SV2C: variants seen among roughly 807,000 people sequenced by gnomAD.
The protein encoded by SV2C is synaptic vesicle glycoprotein 2C.
Under a neutral mutation model 79.7 loss-of-function variants are expected in SV2C, and 49 were observed. The ratio of observed to expected loss-of-function variants is 0.61; its 90% confidence interval spans 0.49 to 0.78. The LOEUF (loss-of-function observed/expected upper bound fraction) is 0.78, where lower values mean the gene tolerates loss of function less well. Ranked by LOEUF, SV2C falls within the 30% of genes least tolerant of loss-of-function variation. The probability of loss-of-function intolerance (pLI) is 0.00; values close to 1 mark genes in which losing one functional copy is unlikely to be tolerated. For synonymous variants in SV2C, 334 were observed against 333.2 expected (o/e 1.00, Z -0.03); for missense variants, 833 against 912.9 (o/e 0.91, Z 1.13).
At chr5:76,259,327 C>T (rs1426560118) in intron 4 of SV2C, among the ~76,000 whole-genome samples, 2 of 152,186 alleles carry the variant, frequency 1.3e-5, no homozygotes, top group Non-Finnish European at 2.9e-5. Context: ...GACACTTGCC[C>T]CGTGTCCTCA....
chr5:75,980,938 T>C, the SV2C span, among the ~76,000 whole-genome samples: 2 of 152,176 alleles, frequency 1.3e-5, no homozygotes, highest in Non-Finnish European at 2.9e-5. Context: ...TGTTTGCAGA[T>C]GACATGATCC....
intron 4 of SV2C, among the ~76,000 whole-genome samples, chr5:76,233,409 T>C (rs1441833723): frequency 3.6e-5 from 5 of 139,602 alleles, no homozygotes; most frequent in African/African-American, 9.7e-5. Context: ...ACTTCCTCTT[T>C]TCCTAATTGA....
chr5:76,028,620 G>A, the SV2C span, among the ~76,000 whole-genome samples: 1 of 152,146 alleles, frequency 6.6e-6, no homozygotes, highest in East Asian at 1.9e-4. Context: ...ACAATAATCT[G>A]GAAGATGCAG....
At chr5:75,988,987 C>A in the SV2C span, among the ~76,000 whole-genome samples, 7,857 of 151,988 alleles carry the variant, frequency 0.052, 238 homozygotes, top group South Asian at 0.14. Context: ...AAAACTACAA[C>A]CACTTTCCTT....
At chr5:76,246,644 C>T (rs1465434621) in intron 4 of SV2C, among the ~76,000 whole-genome samples, 1 of 152,166 alleles carries the variant, frequency 6.6e-6, no homozygotes, top group Non-Finnish European at 1.5e-5. Flanking sequence ...CTCACACTCA[C>T]ACTCACACAC....
chr5:76,241,390 G>T (rs1745782037), intron 4 of SV2C, among the ~76,000 whole-genome samples: 2 of 152,062 alleles, frequency 1.3e-5, no homozygotes, highest in Non-Finnish European at 2.9e-5. Context: ...TCTGAACAGG[G>T]AAAGTTTAGA....
chr5:76,210,692 T>A (rs186083848), intron 4 of SV2C, among the ~76,000 whole-genome samples: 27 of 152,318 alleles, frequency 1.8e-4, no homozygotes, highest in Admixed American at 6.5e-4. Flanking sequence ...CTCCCCTTCC[T>A]GGAGGATGGG....
chr5:76,266,687 G>T (rs1746667772), intron 4 of SV2C, among the ~76,000 whole-genome samples: 4 of 152,100 alleles, frequency 2.6e-5, no homozygotes, highest in Non-Finnish European at 5.9e-5. Flanking sequence ...ATCGTTTCAT[G>T]GGTAGAGTTT....
chr5:76,253,682 C>T (rs6891999), intron 4 of SV2C, among the ~76,000 whole-genome samples: 120,856 of 145,276 alleles, frequency 0.83, 50,726 homozygotes, highest in African/African-American at 0.94. Context: ...GTTCTATTCC[C>T]TTCCCCACCA....
At chr5:76,278,852 A>G (rs1403068977) in intron 4 of SV2C, among the ~76,000 whole-genome samples, 1 of 152,230 alleles carries the variant, frequency 6.6e-6, no homozygotes, top group African/African-American at 2.4e-5. Flanking sequence ...ACATTTTAAA[A>G]GGATAACTCT....
the SV2C span, among the ~76,000 whole-genome samples, chr5:75,972,102 C>T: frequency 1.3e-5 from 2 of 152,168 alleles, 1 homozygote; most frequent in African/African-American, 4.8e-5. Flanking sequence ...ATAAATGGTG[C>T]TGGGAAAACT....
At chr5:76,173,844 C>T (rs376625037) in intron 2 of SV2C, 10 of 1,598,192 alleles carry the variant, frequency 6.3e-6, no homozygotes, top group African/African-American at 1.3e-5. Context: ...TTATTACCAA[C>T]AAGAATCATT....
chr5:76,316,885 A>G (rs1437038545), intron 12 of SV2C, among the ~76,000 whole-genome samples: 2 of 152,128 alleles, frequency 1.3e-5, no homozygotes, highest in African/African-American at 4.8e-5. Flanking sequence ...CTTTGTGGGT[A>G]TCTTCAACAT....
the SV2C span, among the ~76,000 whole-genome samples, chr5:75,893,352 G>T: frequency 1.6e-4 from 24 of 151,936 alleles, no homozygotes; most frequent in African/African-American, 5.6e-4. Context: ...GGTCTGTAAA[G>T]TATTCTAGAT....
intron 1 of SV2C, among the ~76,000 whole-genome samples, chr5:76,128,257 T>C (rs879137848): frequency 1.3e-5 from 2 of 152,330 alleles, no homozygotes; most frequent in Admixed American, 1.3e-4. Context: ...ACAGCCACCA[T>C]CCTAGGGTAG....
chr5:76,302,555 G>A, intron 12 of SV2C, among the ~76,000 whole-genome samples: 1 of 149,602 alleles, frequency 6.7e-6, no homozygotes, highest in Admixed American at 6.7e-5. Context: ...GCTTGAACCT[G>A]GGAGGCGGAG....
chr5:76,289,594 A>G (rs1364125081), intron 6 of SV2C, among the ~76,000 whole-genome samples: 1 of 152,162 alleles, frequency 6.6e-6, no homozygotes, highest in Admixed American at 6.5e-5. Context: ...ATTATGTTCT[A>G]TTATTCCACC....
chr5:75,975,070 A>G, the SV2C span, among the ~76,000 whole-genome samples: 7 of 152,154 alleles, frequency 4.6e-5, no homozygotes, highest in Non-Finnish European at 2.9e-5. Flanking sequence ...ATTACTTTGC[A>G]GTTGTCCTAA....
At chr5:75,991,552 C>T in the SV2C span, among the ~76,000 whole-genome samples, 1 of 143,840 alleles carries the variant, frequency 7.0e-6, no homozygotes, top group African/African-American at 2.6e-5. Context: ...ATGATTCCAG[C>T]AGTTTCTTAG....
Sources: allele counts gnomAD v4.1 joint callset (sites outside exome capture counted in the v4.1 genomes callset), GRCh38; gene constraint gnomAD v4.1.1; transcripts MANE v1.5; gene names NCBI Gene and HGNC (gene_info 2026-07-23, HGNC 2026-07-21).